CBFA2T2: variants seen among roughly 807,000 people sequenced by gnomAD.
The protein encoded by CBFA2T2 is CBFA2/RUNX1 partner transcriptional co-repressor 2.
A neutral mutation model predicts 62.2 loss-of-function variants in CBFA2T2; 11 were observed. The observed-to-expected ratio is 0.18, with a 90% CI of 0.11 to 0.29. CBFA2T2 has a LOEUF of 0.29. Ranked by LOEUF, CBFA2T2 falls within the 10% of genes least tolerant of loss-of-function variation. CBFA2T2 has a pLI of 1.00. For missense variants in CBFA2T2, 592 were observed against 774.1 expected (o/e 0.76, Z 2.79); for synonymous variants, 295 against 287.5 (o/e 1.03, Z -0.27).
intron 1 of CBFA2T2, among the ~76,000 whole-genome samples, chr20:33,509,360 C>G (rs2011465786): frequency 6.6e-6 from 1 of 151,886 alleles, no homozygotes; most frequent in Admixed American, 6.6e-5. Context: ...CAGCGAGACT[C>G]CCTCTCAAAA....
chr20:33,574,274 C>T (rs1360654325), intron 1 of CBFA2T2: 2 of 1,605,958 alleles, frequency 1.2e-6, no homozygotes, highest in African/African-American at 1.3e-5. Flanking sequence ...ATGTGTGAAA[C>T]ATTCATTTCT....
At chr20:33,492,178 G>A (rs767267882) in intron 1 of CBFA2T2, among the ~76,000 whole-genome samples, 7 of 151,844 alleles carry the variant, frequency 4.6e-5, no homozygotes, top group African/African-American at 1.2e-4. Flanking sequence ...CACTGCGCCC[G>A]GCCTTAATTT....
chr20:33,502,394 C>T (rs1422573672), intron 1 of CBFA2T2, among the ~76,000 whole-genome samples: 5 of 151,856 alleles, frequency 3.3e-5, no homozygotes, highest in Non-Finnish European at 7.4e-5. Context: ...AGTTTCTGCT[C>T]TTCATTTTTT....
intron 1 of CBFA2T2, among the ~76,000 whole-genome samples, chr20:33,590,171 A>G (rs990597283): frequency 6.6e-6 from 1 of 151,576 alleles, no homozygotes; most frequent in Non-Finnish European, 1.5e-5. Context: ...TCTTGAACCC[A>G]GGAGGTTCAG....
chr20:33,597,157 C>G (rs1373271989), intron 1 of CBFA2T2, among the ~76,000 whole-genome samples: 1 of 151,970 alleles, frequency 6.6e-6, no homozygotes, highest in Non-Finnish European at 1.5e-5. Context: ...GTCTCAAACT[C>G]TGGACTCAAG....
chr20:33,618,565 A>T (rs1184340995), intron 3 of CBFA2T2: 1 of 152,156 alleles, frequency 6.6e-6, no homozygotes, highest in African/African-American at 2.4e-5. Context: ...GTTGGGAGTT[A>T]TTCTGGTATG....
At chr20:33,621,263 C>CTATA (rs974105590) in intron 4 of CBFA2T2, among the ~76,000 whole-genome samples, 4 of 120,974 alleles carry the variant, frequency 3.3e-5, no homozygotes, top group Non-Finnish European at 7.1e-5. Flanking sequence ...ATGAGTATCT[C>CTATA]TATAATACCT....
intron 3 of CBFA2T2, among the ~76,000 whole-genome samples, chr20:33,614,463 CAAT>C (rs2122307657): frequency 6.6e-6 from 1 of 152,242 alleles, no homozygotes; most frequent in African/African-American, 2.4e-5. Flanking sequence ...AGTTTAGTGA[CAAT>C]AAGTATATTC....
chr20:33,644,914 A>T lies in CBFA2T2; in HGVS notation c.*268A>T, dbSNP rs2016997149. 2.2e-6 allele frequency: 1 copy of T among 448,616 alleles called. No homozygotes were observed. The highest frequency in any genetic ancestry group is 4.0e-6 in the Non-Finnish European group (1 of 251,870). The allele number at this position is 448,616 out of a possible 1,614,324, so 27.8% of individuals were successfully genotyped here. ...CCTGGTTTGTTCCTCTCTCCACTGA[A>T]GCTGACTTAGCCGGCCCCTTTTCAG... On this transcript the variant is annotated 3_prime_UTR_variant, in exon 11 of 11. Transcript: ENST00000342704.
chr20:33,583,075 C>T (rs1353745132), intron 1 of CBFA2T2, among the ~76,000 whole-genome samples: 2 of 152,154 alleles, frequency 1.3e-5, no homozygotes, highest in Non-Finnish European at 2.9e-5. Context: ...TTATATCCAG[C>T]TCTTTCCTTT....
At chr20:33,529,918 GGGATTATA>G (rs931826905) in intron 1 of CBFA2T2, among the ~76,000 whole-genome samples, 4 of 151,402 alleles carry the variant, frequency 2.6e-5, no homozygotes, top group Non-Finnish European at 5.9e-5. Flanking sequence ...CCAAGTAGCT[GGGATTATA>G]GGTGTGCGCC....
intron 1 of CBFA2T2, among the ~76,000 whole-genome samples, chr20:33,599,027 G>A (rs572742218): frequency 2.0e-5 from 3 of 151,598 alleles, no homozygotes; most frequent in Non-Finnish European, 2.9e-5. Flanking sequence ...TTGGGAGGCC[G>A]AGGCAGGTGG....
chr20:33,552,532 G>C (rs1158718982), intron 1 of CBFA2T2, among the ~76,000 whole-genome samples: 3 of 152,178 alleles, frequency 2.0e-5, no homozygotes, highest in African/African-American at 7.2e-5. Context: ...ACTATTTTCT[G>C]ATCAGTTGTA....
chr20:33,569,770 T>A (rs1354834323), intron 1 of CBFA2T2, among the ~76,000 whole-genome samples: 2 of 152,250 alleles, frequency 1.3e-5, no homozygotes, highest in Admixed American at 6.5e-5. Context: ...TTGGAAAATT[T>A]AAAGTAACAA....
intron 1 of CBFA2T2, among the ~76,000 whole-genome samples, chr20:33,573,485 T>TC (rs1006241937): frequency 7.4e-5 from 11 of 149,510 alleles, no homozygotes; most frequent in African/African-American, 2.5e-4. Flanking sequence ...TTCTTCTTCT[T>TC]TTTTTTTTTC....
At chr20:33,548,399 G>A (rs903990371) in intron 1 of CBFA2T2, among the ~76,000 whole-genome samples, 5 of 151,278 alleles carry the variant, frequency 3.3e-5, no homozygotes, top group African/African-American at 9.7e-5. Context: ...GCCCACCACC[G>A]CACCTGGCTA....
At chr20:33,515,678 G>A (rs1247485379) in intron 1 of CBFA2T2, among the ~76,000 whole-genome samples, 1 of 151,416 alleles carries the variant, frequency 6.6e-6, no homozygotes, top group East Asian at 1.9e-4. Flanking sequence ...GCGTATACCT[G>A]TAATCCCAGC....
intron 1 of CBFA2T2, among the ~76,000 whole-genome samples, chr20:33,534,751 CTTTTTTTT>C (rs11167206): frequency 1.1e-5 from 1 of 92,962 alleles, no homozygotes. Flanking sequence ...ATCTTTTTAG[CTTTTTTTT>C]TTTTTTTTTT....
At position 33,648,680 on chromosome 20, in the gene CBFA2T2, G is replaced by A. The variant is rs550023219; in HGVS notation, c.*4034G>A. 51 of 152,284 alleles carry A rather than the reference G, an allele frequency of 3.3e-4. 1 individual carries two copies. Among genetic ancestry groups the A allele is most frequent in the African/African-American group, 1.2e-3 (50 of 41,540 alleles). The allele number at this position is 152,284 out of a possible 1,614,324, so 9.4% of individuals were successfully genotyped here. On this transcript the variant is annotated 3_prime_UTR_variant, in exon 11 of 11. Coordinates refer to ENST00000342704, the MANE Select transcript of CBFA2T2 (RefSeq NM_001032999.3). The stretch of plus-strand genomic sequence containing the variant: ...GGGCAGTGCTGGGTTAGAAATGTCT[G>A]TCTGGAAACAGGACACATCTTGCCA...
Sources: gnomAD v4.1 joint callset for allele counts (sites outside exome capture counted in the v4.1 genomes callset) on GRCh38, gnomAD v4.1.1 for gene constraint, MANE v1.5 for transcripts, NCBI Gene and HGNC (gene_info 2026-07-23, HGNC 2026-07-21) for gene names.